Variants in OPCML observed in about 807,000 individuals in gnomAD.
The protein encoded by OPCML is opioid-binding protein/cell adhesion molecule.
OPCML carries 13 observed loss-of-function variants against 37.8 expected under a neutral mutation model. The ratio of observed to expected loss-of-function variants is 0.34; its 90% CI spans 0.22 to 0.55. The LOEUF is 0.55. Ranked by LOEUF, OPCML falls within the 20% of genes least tolerant of loss-of-function variation. The pLI, the probability that OPCML is intolerant of heterozygous loss-of-function variation, is 0.91. For synonymous variants in OPCML, 176 were observed against 168.8 expected, an observed-to-expected ratio of 1.04 and a Z score of -0.33; for missense variants, 341 against 435.6, an observed-to-expected ratio of 0.78 and a Z score of 1.93.
intron 1 of OPCML, among the ~76,000 whole-genome samples, chr11:132,944,151 C>G (rs961656646): frequency 4.0e-5 from 6 of 150,508 alleles, no homozygotes; most frequent in East Asian, 2.0e-4. Context: ...GCGGAGAGAA[C>G]GCGGCGCCCC....
intron 3 of OPCML, among the ~76,000 whole-genome samples, chr11:132,542,440 G>GTT (rs1259149104): frequency 6.6e-6 from 1 of 152,106 alleles, no homozygotes; most frequent in Non-Finnish European, 1.5e-5. Flanking sequence ...CTTCTTCTAA[G>GTT]TTTATTCTAG....
chr11:132,791,544 C>T (rs1937907061), intron 2 of OPCML, among the ~76,000 whole-genome samples: 1 of 152,136 alleles, frequency 6.6e-6, no homozygotes, highest in Non-Finnish European at 1.5e-5. Context: ...AACTGCACAC[C>T]TTAAGCCAGT....
In OPCML at chr11:133,284,978, A is replaced by T. The variant is rs370662003; in HGVS notation, c.61+247286T>A. Among the ~76,000 whole-genome samples, 43 of 152,210 alleles carry T rather than the reference A, an allele frequency of 2.8e-4. 2 individuals carry two copies. Among genetic ancestry groups the T allele is most frequent in the African/African-American group, 1.0e-3 (43 of 41,548 alleles). ...CAGTGGGGGTGGGGTGAGGGGTCTT[A>T]TTTGTATGCTGCAATTACTTACAAC... is the stretch of plus-strand genomic sequence containing the variant. On this transcript the variant is annotated intron_variant, in intron 1 of 7. Coordinates refer to ENST00000524381, the MANE Select transcript of OPCML (RefSeq NM_001012393.5).
intron 1 of OPCML, among the ~76,000 whole-genome samples, chr11:133,356,765 C>T (rs1373753737): frequency 6.6e-6 from 1 of 152,178 alleles, no homozygotes; most frequent in African/African-American, 2.4e-5. Context: ...ACAGGTGTGG[C>T]AGGAACAGGA....
intron 3 of OPCML, among the ~76,000 whole-genome samples, chr11:132,559,051 A>G (rs1019074302): frequency 6.6e-6 from 1 of 152,182 alleles, no homozygotes; most frequent in Non-Finnish European, 1.5e-5. Flanking sequence ...ACTTCCATGT[A>G]TATTTAGTTT....
intron 2 of OPCML, among the ~76,000 whole-genome samples, chr11:132,936,859 A>G (rs1945393695): frequency 6.6e-6 from 1 of 152,182 alleles, no homozygotes; most frequent in South Asian, 2.1e-4. Flanking sequence ...AGCTCCAATT[A>G]TACCTAACAT....
At chr11:132,652,801 A>G (rs1941498171) in intron 3 of OPCML, among the ~76,000 whole-genome samples, 1 of 152,130 alleles carries the variant, frequency 6.6e-6, no homozygotes, top group African/African-American at 2.4e-5. Context: ...ATCTGGACAT[A>G]GTCTGACTTC....
chr11:132,525,762 A>G (rs938374920), intron 4 of OPCML: 2 of 152,178 alleles, frequency 1.3e-5, no homozygotes, highest in Non-Finnish European at 2.9e-5. Flanking sequence ...GTTTTGTTAC[A>G]TAGGTATACA....
chr11:133,371,962 C>T (rs1944684716), intron 1 of OPCML, among the ~76,000 whole-genome samples: 1 of 151,774 alleles, frequency 6.6e-6, no homozygotes, highest in Non-Finnish European at 1.5e-5. Flanking sequence ...CACGTGGGAG[C>T]TAAAAATGTT....
intron 2 of OPCML, among the ~76,000 whole-genome samples, chr11:132,674,241 G>A (rs1447986875): frequency 6.6e-6 from 1 of 152,216 alleles, no homozygotes; most frequent in East Asian, 1.9e-4. Context: ...CATCACAGCA[G>A]AGCGGTCGAA....
intron 1 of OPCML, among the ~76,000 whole-genome samples, chr11:133,081,522 T>A (rs1948716201): frequency 6.6e-6 from 1 of 152,184 alleles, no homozygotes; most frequent in East Asian, 1.9e-4. Flanking sequence ...GTATTTGGTG[T>A]TCACAGCTCG....
chr11:132,630,653 C>T (rs569707442), intron 3 of OPCML, among the ~76,000 whole-genome samples: 3 of 152,000 alleles, frequency 2.0e-5, no homozygotes, highest in Non-Finnish European at 2.9e-5. Flanking sequence ...GCAGAGCAAT[C>T]GTGATTCTCA....
At chr11:132,844,395 A>G (rs1941431030) in intron 2 of OPCML, among the ~76,000 whole-genome samples, 1 of 152,198 alleles carries the variant, frequency 6.6e-6, no homozygotes. Flanking sequence ...AGGAAGCAAT[A>G]AGAGATGAAC....
intron 1 of OPCML, among the ~76,000 whole-genome samples, chr11:133,144,377 G>A (rs1386968882): frequency 6.6e-6 from 1 of 152,196 alleles, no homozygotes; most frequent in Non-Finnish European, 1.5e-5. Context: ...TTTGTTTAGA[G>A]GGTTGCCTTT....
rs150018911 is a variant in OPCML, at chr11:133,526,827, G to C, written c.61+5437C>G. ...ACAAATGTCCTCAGGACCTAGCCCT[G>C]CACTGAGGACTGGGATCAGAAGGAG... On this transcript the variant is annotated intron_variant, in intron 1 of 7. Coordinates refer to ENST00000524381, the MANE Select transcript of OPCML (RefSeq NM_001012393.5). Among the ~76,000 whole-genome samples, 271 of 152,352 alleles carry C rather than the reference G, an allele frequency of 1.8e-3. 3 individuals carry two copies. The highest frequency in any genetic ancestry group is 4.9e-3 in the Admixed American group (75 of 15,308).
At chr11:133,144,063 ATCT>A (rs1405425201) in intron 1 of OPCML, among the ~76,000 whole-genome samples, 2 of 152,172 alleles carry the variant, frequency 1.3e-5, no homozygotes, top group South Asian at 2.1e-4. Context: ...CTTGTGTCTC[ATCT>A]TCTTCTCTCC....
At chr11:132,665,960 T>A (rs1942198203) in intron 2 of OPCML, among the ~76,000 whole-genome samples, 1 of 152,206 alleles carries the variant, frequency 6.6e-6, no homozygotes, top group Admixed American at 6.5e-5. Context: ...AACAAATATT[T>A]AGTAAGCACC....
Position 132,499,438 on chromosome 11 carries a change from G to C in OPCML, c.505+29623C>G, listed in dbSNP as rs1354446958. ...GCCGTAGGTTTCCTTGTTAGGCCTG[G>C]CACAATATGAGATATCCAAGAGCAA... On this transcript the variant is annotated intron_variant, in intron 4 of 7. Coordinates refer to ENST00000524381, the MANE Select transcript of OPCML (RefSeq NM_001012393.5). Among the ~76,000 whole-genome samples the C allele has an allele frequency of 2.6e-5, 4 of 152,252 alleles. No individual in the cohort carries two copies. In the South Asian group the frequency reaches 8.3e-4, roughly 32 times the overall value.
intron 1 of OPCML, among the ~76,000 whole-genome samples, chr11:133,047,106 C>G (rs1948031601): frequency 6.6e-6 from 1 of 152,214 alleles, no homozygotes; most frequent in African/African-American, 2.4e-5. Context: ...TTCCATCACA[C>G]AGACCTCATG....
Sources: gnomAD v4.1 joint callset for allele counts (sites outside exome capture counted in the v4.1 genomes callset) on GRCh38, gnomAD v4.1.1 for gene constraint, MANE v1.5 for transcripts, NCBI Gene and HGNC (gene_info 2026-07-23, HGNC 2026-07-21) for gene names.